The following NEGR1 variants were observed in gnomAD, a reference collection of about 807,000 sequenced individuals.
NEGR1 encodes the protein IgLON family member 4.
In NEGR1, 10 loss-of-function variants were observed where a neutral mutation model predicts 40.9. The ratio of observed to expected loss-of-function variants is 0.24; its 90% CI spans 0.15 to 0.42. The LOEUF is 0.42. Among genes scored for constraint, NEGR1 ranks in the 10% least tolerant of loss-of-function variants. The pLI is 1.00. For missense variants in NEGR1, 352 were observed against 438.9 expected (o/e 0.80, Z 1.77); for synonymous variants, 185 against 166.8 (o/e 1.11, Z -0.84).
At chr1:71,968,337 T>A (rs1646227119) in intron 1 of NEGR1, among the ~76,000 whole-genome samples, 1 of 152,222 alleles carries the variant, frequency 6.6e-6, no homozygotes, top group Admixed American at 6.5e-5. Context: ...AACAAAGTAT[T>A]ACAAAACAAC....
chr1:71,713,578 T>C (rs1654177595), intron 3 of NEGR1, among the ~76,000 whole-genome samples: 1 of 152,200 alleles, frequency 6.6e-6, no homozygotes. Flanking sequence ...AGCAGAACTG[T>C]GCTAAAATTA....
chr1:71,556,385 CAGTT>C (rs1319585686), intron 6 of NEGR1, among the ~76,000 whole-genome samples: 1 of 151,464 alleles, frequency 6.6e-6, no homozygotes, highest in Non-Finnish European at 1.5e-5. Flanking sequence ...ACACACAGCT[CAGTT>C]AGTTAAAGAG....
At chr1:71,732,087 G>A (rs2101665398) in intron 3 of NEGR1, among the ~76,000 whole-genome samples, 1 of 152,158 alleles carries the variant, frequency 6.6e-6, no homozygotes, top group East Asian at 1.9e-4. Flanking sequence ...GGAAACCGAG[G>A]CAGTGGATCT....
intron 2 of NEGR1, among the ~76,000 whole-genome samples, chr1:71,924,057 A>G (rs981947749): frequency 3.3e-5 from 5 of 151,932 alleles, no homozygotes; most frequent in Non-Finnish European, 5.9e-5. Context: ...CACAGCAGCT[A>G]TTTAAAAAAA....
chr1:72,231,848 G>A (rs1482773678), intron 1 of NEGR1, among the ~76,000 whole-genome samples: 1 of 152,120 alleles, frequency 6.6e-6, no homozygotes. Flanking sequence ...GCTTCACAAA[G>A]AAAGTAAGAT....
chr1:72,013,988 AG>A (rs747570224), intron 1 of NEGR1, among the ~76,000 whole-genome samples: 4,499 of 121,312 alleles, frequency 0.037, 168 homozygotes, highest in African/African-American at 0.09. Context: ...AAAAAAAAAA[AG>A]GAGGTTGGGG....
intron 2 of NEGR1, among the ~76,000 whole-genome samples, chr1:71,868,864 C>T (rs1198369510): frequency 6.6e-6 from 1 of 152,090 alleles, no homozygotes; most frequent in African/African-American, 2.4e-5. Flanking sequence ...CCTCTCACCA[C>T]TTTCCCCTCA....
chr1:71,435,267 G>C (rs545509505), intron 6 of NEGR1, among the ~76,000 whole-genome samples: 6 of 152,266 alleles, frequency 3.9e-5, no homozygotes, highest in Non-Finnish European at 8.8e-5. Context: ...TCTCTAATAT[G>C]ATTAGAGAAG....
chr1:71,935,455 A>C, intron 1 of NEGR1, 144 bp from the exon 2 acceptor site: 1 of 629,430 alleles, frequency 1.6e-6, no homozygotes, highest in Non-Finnish European at 2.8e-6. Flanking sequence ...AAACATGAAC[A>C]TACTGATGCA....
chr1:71,521,310 C>T lies in NEGR1; in HGVS notation c.940+71507G>A, dbSNP rs1052702880. 2.0e-5 allele frequency among the ~76,000 whole-genome samples: 3 copies of T among 152,080 alleles called. No individual in the cohort carries two copies. In the South Asian group the frequency reaches 6.2e-4, roughly 32 times the overall value. ...CCTTTCATACCCCGTTTATAGGAAACTCATAGAATTTAAGAGATGAAAGCA... is the reference window on the plus strand; with the variant it reads ...CCTTTCATACCCCGTTTATAGGAAATTCATAGAATTTAAGAGATGAAAGCA... On this transcript the variant is annotated intron_variant, in intron 6 of 6. Transcript: ENST00000357731.
At chr1:71,765,095 C>A (rs925958680) in intron 3 of NEGR1, among the ~76,000 whole-genome samples, 1 of 151,990 alleles carries the variant, frequency 6.6e-6, no homozygotes, top group African/African-American at 2.4e-5. Context: ...TGAATCCTGG[C>A]AAAACCATTA....
Position 72,108,442 on chromosome 1 carries a change from A to G in NEGR1, c.177-173131T>C, listed in dbSNP as rs531380239. On this transcript the variant is annotated intron_variant, in intron 1 of 6. Transcript: ENST00000357731. The stretch of plus-strand genomic sequence containing the variant: ...ATATGACATATATGCAATATGATTA[A>G]TTGGTTTGTAGGTAGATAAAAATAA... Among the ~76,000 whole-genome samples, 4 of 151,724 alleles carry G rather than the reference A, an allele frequency of 2.6e-5. No homozygotes were observed. In the East Asian group the frequency reaches 7.8e-4, roughly 29 times the overall value.
At chr1:71,844,277 T>C (rs1281851556) in intron 2 of NEGR1, among the ~76,000 whole-genome samples, 1 of 152,182 alleles carries the variant, frequency 6.6e-6, no homozygotes, top group Non-Finnish European at 1.5e-5. Flanking sequence ...AAGAATTTTA[T>C]GAAGTGGGCC....
At chr1:72,070,350 G>C (rs1028395724) in intron 1 of NEGR1, among the ~76,000 whole-genome samples, 3 of 151,688 alleles carry the variant, frequency 2.0e-5, no homozygotes, top group African/African-American at 7.3e-5. Context: ...TCTTGTACTT[G>C]TTCTCTCTTT....
chr1:71,896,496 T>C (rs1660977870), intron 2 of NEGR1, among the ~76,000 whole-genome samples: 1 of 152,230 alleles, frequency 6.6e-6, no homozygotes, highest in Non-Finnish European at 1.5e-5. Context: ...ATTCTGCGTG[T>C]TATTTCACTT....
chr1:72,151,945 T>C (rs1651142147), intron 1 of NEGR1, among the ~76,000 whole-genome samples: 1 of 151,794 alleles, frequency 6.6e-6, no homozygotes, highest in East Asian at 1.9e-4. Flanking sequence ...AGTAGAATAT[T>C]TGGATTTGTT....
intron 2 of NEGR1, among the ~76,000 whole-genome samples, chr1:71,894,150 C>T (rs1038327430): frequency 1.7e-4 from 23 of 133,356 alleles, no homozygotes; most frequent in African/African-American, 6.4e-4. Context: ...TGCAGCGCAC[C>T]AGCATGGCAC....
intron 1 of NEGR1, among the ~76,000 whole-genome samples, chr1:72,118,702 T>C (rs1050598954): frequency 1.3e-5 from 2 of 151,888 alleles, no homozygotes; most frequent in African/African-American, 4.8e-5. Context: ...CCTAAATTAA[T>C]TCAATTTCTG....
At chr1:71,767,527 A>C (rs1656173869) in intron 3 of NEGR1, among the ~76,000 whole-genome samples, 1 of 152,156 alleles carries the variant, frequency 6.6e-6, no homozygotes. Flanking sequence ...CAAAGAAATG[A>C]CCTGGAACTG....
Sources: gnomAD v4.1 joint callset for allele counts (sites outside exome capture counted in the v4.1 genomes callset) on GRCh38, gnomAD v4.1.1 for gene constraint, MANE v1.5 for transcripts, NCBI Gene and HGNC (gene_info 2026-07-23, HGNC 2026-07-21) for gene names.